RBM6: variants seen among roughly 807,000 people sequenced by gnomAD.
The protein encoded by RBM6 is RNA binding motif protein 6, also known as RNA-binding protein 6.
Under a neutral mutation model 140.4 loss-of-function variants are expected in RBM6, and 23 were observed. That is an observed-to-expected ratio of 0.16 (90% CI 0.12 to 0.23). The LOEUF (loss-of-function observed/expected upper bound fraction) is 0.23. Among genes scored for constraint, RBM6 ranks in the 10% least tolerant of loss-of-function variants. The pLI is 1.00. For synonymous variants in RBM6, 439 were observed against 475.6 expected (o/e 0.92, Z 1.00); for missense variants, 1,139 against 1,386.7 (o/e 0.82, Z 2.84).
intron 6 of RBM6, among the ~76,000 whole-genome samples, chr3:50,033,622 C>T (rs1027156559): frequency 7.2e-5 from 11 of 151,942 alleles, no homozygotes; most frequent in African/African-American, 2.7e-4. Context: ...CATGTTTTGC[C>T]TGAGCAGCTT....
chr3:49,976,784 T>C (rs952571348), intron 5 of RBM6, among the ~76,000 whole-genome samples: 2 of 152,218 alleles, frequency 1.3e-5, no homozygotes, highest in East Asian at 3.8e-4. Flanking sequence ...TATTAACATA[T>C]AGTGTCTAGA....
chr3:49,987,458 G>T (rs2085614843), intron 5 of RBM6, among the ~76,000 whole-genome samples: 1 of 151,794 alleles, frequency 6.6e-6, no homozygotes, highest in Non-Finnish European at 1.5e-5. Flanking sequence ...TGGGATTACA[G>T]GTGCCCGCCA....
intron 1 of RBM6, among the ~76,000 whole-genome samples, chr3:49,959,640 G>A (rs1206875566): frequency 6.7e-5 from 9 of 134,100 alleles, no homozygotes; most frequent in African/African-American, 1.7e-4. Context: ...GTGTGACCTC[G>A]GCTCACTGCA....
chr3:50,027,409 A>G (rs571198516), intron 6 of RBM6, among the ~76,000 whole-genome samples: 1 of 152,328 alleles, frequency 6.6e-6, no homozygotes, highest in Non-Finnish European at 1.5e-5. Context: ...GTATATTCAT[A>G]AAATTGTGCA....
intron 19 of RBM6, among the ~76,000 whole-genome samples, chr3:50,073,016 C>T (rs552425931): frequency 3.9e-5 from 6 of 152,232 alleles, no homozygotes; most frequent in African/African-American, 1.2e-4. Flanking sequence ...GCTGCTCTAC[C>T]CTCTTGACCT....
chr3:50,070,702 C>T (rs956119076), intron 19 of RBM6, 150 bp downstream of exon 19: 2 of 631,924 alleles, frequency 3.2e-6, no homozygotes, highest in African/African-American at 3.7e-5. Context: ...CTATGCCAGC[C>T]TTTTTACTAT....
intron 19 of RBM6, among the ~76,000 whole-genome samples, chr3:50,073,843 A>AG (rs1407762886): frequency 1.6e-4 from 18 of 115,026 alleles, no homozygotes; most frequent in Middle Eastern, 8.3e-3. Flanking sequence ...GACCCCATGC[A>AG]GCCTTTTTTT....
chr3:50,018,189 TCTTGCAAACC>T (rs2087269606), intron 6 of RBM6, among the ~76,000 whole-genome samples: 2 of 152,348 alleles, frequency 1.3e-5, no homozygotes, highest in South Asian at 4.1e-4. Context: ...TGTTCTTTCC[TCTTGCAAACC>T]CCTGCAACCA....
chr3:50,036,822 G>A (rs1381371192), intron 6 of RBM6, among the ~76,000 whole-genome samples: 3 of 151,814 alleles, frequency 2.0e-5, no homozygotes, highest in Middle Eastern at 3.4e-3. Context: ...TTGCTCTGTC[G>A]CGAGGCTAGA....
chr3:49,951,673 T>G (rs1340912117), intron 1 of RBM6, among the ~76,000 whole-genome samples: 1 of 151,808 alleles, frequency 6.6e-6, no homozygotes, highest in Admixed American at 6.6e-5. Flanking sequence ...CAAGTTCAAG[T>G]GATTCTCCTG....
chr3:49,973,726 C>T (rs2084912713), intron 4 of RBM6, among the ~76,000 whole-genome samples: 1 of 150,896 alleles, frequency 6.6e-6, no homozygotes, highest in Non-Finnish European at 1.5e-5. Flanking sequence ...GCTGGGATTA[C>T]AAGCACCTGC....
At chr3:49,994,015 C>T (rs776541153) in intron 5 of RBM6, among the ~76,000 whole-genome samples, 14 of 152,188 alleles carry the variant, frequency 9.2e-5, no homozygotes, top group Non-Finnish European at 1.9e-4. Flanking sequence ...GATAATTTGA[C>T]ATATGAGTCA....
At chr3:49,966,718 G>A (rs958202616) in intron 2 of RBM6, among the ~76,000 whole-genome samples, 12 of 152,048 alleles carry the variant, frequency 7.9e-5, no homozygotes, top group Non-Finnish European at 1.3e-4. Flanking sequence ...ATGCTGTTGC[G>A]TGGCTTAGAT....
intron 6 of RBM6, among the ~76,000 whole-genome samples, chr3:50,036,088 G>T (rs1045645912): frequency 6.6e-6 from 1 of 151,836 alleles, no homozygotes; most frequent in Non-Finnish European, 1.5e-5. Context: ...TACAGACCAG[G>T]TTTCACTATA....
At chr3:50,069,709 C>T (rs2090238984) in intron 18 of RBM6, among the ~76,000 whole-genome samples, 2 of 151,944 alleles carry the variant, frequency 1.3e-5, no homozygotes, top group African/African-American at 4.8e-5. Context: ...CAAAAGAATC[C>T]ACCTATGGAG....
At chr3:49,943,944 T>C (rs2083387717) in intron 1 of RBM6, among the ~76,000 whole-genome samples, 1 of 152,226 alleles carries the variant, frequency 6.6e-6, no homozygotes, top group Non-Finnish European at 1.5e-5. Flanking sequence ...TATTTGTGTG[T>C]TTTGATGATA....
At chr3:50,042,753 T>TAA (rs371621988) in intron 6 of RBM6, among the ~76,000 whole-genome samples, 7 of 148,660 alleles carry the variant, frequency 4.7e-5, no homozygotes, top group Middle Eastern at 3.4e-3. Flanking sequence ...GTCTTTTTTT[T>TAA]AAAAAAAAAA....
At chr3:50,024,725 G>A (rs1284927156) in intron 6 of RBM6, among the ~76,000 whole-genome samples, 1 of 152,174 alleles carries the variant, frequency 6.6e-6, no homozygotes, top group African/African-American at 2.4e-5. Context: ...AGGCTGAAGC[G>A]TGCAGATTAC....
At chr3:49,941,211 A>G (rs1231817661) in intron 1 of RBM6, 3 of 152,166 alleles carry the variant, frequency 2.0e-5, no homozygotes, top group South Asian at 2.1e-4. Context: ...TAGGACTGGC[A>G]GTGAAGAAAG....
Sources: allele counts gnomAD v4.1 joint callset (sites outside exome capture counted in the v4.1 genomes callset), GRCh38; gene constraint gnomAD v4.1.1; transcripts MANE v1.5; gene names NCBI Gene and HGNC (gene_info 2026-07-23, HGNC 2026-07-21).